The following ECM2 variants were observed in gnomAD, a reference collection of about 807,000 sequenced individuals.
The protein encoded by ECM2 is extracellular matrix protein 2.
In ECM2, 57 loss-of-function variants were observed where a neutral mutation model predicts 67.5. That is an observed-to-expected ratio of 0.84 (90% CI 0.68 to 1.05). The LOEUF is 1.05. ECM2 is among the 50% of genes least tolerant of loss of function. The pLI is 0.00. For missense variants in ECM2, 741 were observed against 822.8 expected, an observed-to-expected ratio of 0.90 and a Z score of 1.22; for synonymous variants, 258 against 294.5, an observed-to-expected ratio of 0.88 and a Z score of 1.27.
chr9:92,512,210 CAA>C (rs1847393583), intron 4 of ECM2, 84 bp from the exon 5 acceptor site: 3 of 779,984 alleles, frequency 3.8e-6, no homozygotes, highest in Non-Finnish European at 6.2e-6. Context: ...GCATAGATAT[CAA>C]GAGAGAGCTT....
intron 6 of ECM2, among the ~76,000 whole-genome samples, chr9:92,509,471 G>A (rs1336710395): frequency 6.6e-6 from 1 of 152,188 alleles, no homozygotes. Flanking sequence ...AGTTGTGGGT[G>A]GGGTCTGTTG....
intron 7 of ECM2, among the ~76,000 whole-genome samples, chr9:92,504,309 T>C (rs1255806008): frequency 6.6e-6 from 1 of 152,014 alleles, no homozygotes; most frequent in Non-Finnish European, 1.5e-5. Context: ...AATCTGGAAA[T>C]AGGAAGAAGA....
chr9:92,544,070 G>A, the ECM2 span, among the ~76,000 whole-genome samples: 1 of 152,162 alleles, frequency 6.6e-6, no homozygotes, highest in African/African-American at 2.4e-5. Context: ...CCAGTTTTAT[G>A]TTGAATAGAA....
At chr9:92,539,066 G>A (rs1849254006), upstream of ECM2, 1 of 152,122 alleles carries the variant, frequency 6.6e-6, no homozygotes, top group South Asian at 2.1e-4. Context: ...ACCTTGTTCA[G>A]CCCGAATAAG....
At chr9:92,493,973 G>A, downstream of ECM2, 1 of 1,013,560 alleles carries the variant, frequency 9.9e-7, no homozygotes, top group Non-Finnish European at 1.4e-6. Context: ...GGTGGCCGTA[G>A]TCTCCTGGCG....
intron 1 of ECM2, among the ~76,000 whole-genome samples, chr9:92,526,877 T>A (rs1442987030): frequency 6.6e-6 from 1 of 152,220 alleles, no homozygotes; most frequent in Non-Finnish European, 1.5e-5. Context: ...ACTCACTCAC[T>A]GACTCACCGG....
intron 9 of ECM2, 120 bp downstream of exon 9, chr9:92,500,607 A>G: frequency 1.0e-6 from 1 of 1,000,140 alleles, no homozygotes; most frequent in Non-Finnish European, 1.5e-6. Flanking sequence ...TGTTTAATCC[A>G]ACCCCTTAGC....
At position 92,497,350 on chromosome 9, in the gene ECM2, C is replaced by T. The variant is rs113095006; in HGVS notation, c.1932-867G>A. On this transcript the variant is annotated intron_variant, in intron 9 of 9. Transcript: ENST00000344604. The stretch of plus-strand genomic sequence containing the variant: ...TTTAAAAAGTAAAGGGTAGGCTGGG[C>T]GTGGTGGCTCACACCTGTCATCCCA... Among the ~76,000 whole-genome samples, 870 of 152,176 alleles carry T rather than the reference C, an allele frequency of 5.7e-3. 8 individuals are homozygous for T. The highest frequency in any genetic ancestry group is 0.02 in the African/African-American group (824 of 41,506).
the ECM2 span, among the ~76,000 whole-genome samples, chr9:92,555,902 T>C: frequency 6.6e-6 from 1 of 152,184 alleles, no homozygotes; most frequent in Non-Finnish European, 1.5e-5. Context: ...TTAATTCTGC[T>C]CTAATCTTGG....
At chr9:92,529,883 G>C (rs72754438) in intron 1 of ECM2, among the ~76,000 whole-genome samples, 21 of 152,068 alleles carry the variant, frequency 1.4e-4, no homozygotes, top group African/African-American at 4.1e-4. Flanking sequence ...TTATATCACA[G>C]GTTCTGCATC....
chr9:92,494,013 T>C, downstream of ECM2: 1 of 1,515,190 alleles, frequency 6.6e-7, no homozygotes, highest in African/African-American at 1.4e-5. Context: ...CTCGTCGCAT[T>C]GTCACCCATT....
At chr9:92,497,431 C>T (rs1451079739) in intron 9 of ECM2, among the ~76,000 whole-genome samples, 2 of 152,000 alleles carry the variant, frequency 1.3e-5, no homozygotes, top group Non-Finnish European at 2.9e-5. Context: ...TCAAGACCAG[C>T]CTGACCAACA....
At chr9:92,520,470 G>T (rs917101457) in intron 2 of ECM2, among the ~76,000 whole-genome samples, 1 of 152,132 alleles carries the variant, frequency 6.6e-6, no homozygotes, top group Non-Finnish European at 1.5e-5. Flanking sequence ...ACAATTGTTG[G>T]CAGGAATGTA....
chr9:92,501,102 C>T lies in ECM2; in HGVS notation c.1605-49G>A, dbSNP rs191100785. 3.8e-6 allele frequency: 6 copies of T among 1,564,210 alleles called. No individual in the cohort carries two copies. The South Asian group carries it at 5.8e-5, about 15-fold the overall frequency. Reference sequence around the variant, plus strand: ...AGGGTAGGGACATCAGGATGGTGATCATCAGCTCTAAATTTTGATAAGGCC... The same window carrying T: ...AGGGTAGGGACATCAGGATGGTGATTATCAGCTCTAAATTTTGATAAGGCC... On this transcript the variant is annotated intron_variant, in intron 8 of 9. Coordinates refer to ENST00000344604, the MANE Select transcript of ECM2 (RefSeq NM_001393.4).
chr9:92,524,825 T>C lies in ECM2; in HGVS notation c.-27-1932A>G, dbSNP rs180748416. ...CTAACTTGCTCAGTGATGAAATTTA[T>C]TTCAATTCTCACAGGCATACCTTGG... On this transcript the variant is annotated intron_variant, in intron 1 of 9. Coordinates refer to ENST00000344604, the MANE Select transcript of ECM2 (RefSeq NM_001393.4). 5.0e-3 allele frequency among the ~76,000 whole-genome samples: 761 copies of C among 152,338 alleles called. 6 individuals carry two copies. Among genetic ancestry groups the C allele is most frequent in the Admixed American group, 0.011 (169 of 15,302 alleles).
chr9:92,494,917 A>G (rs1029630493), downstream of ECM2, among the ~76,000 whole-genome samples: 7 of 152,124 alleles, frequency 4.6e-5, no homozygotes, highest in Middle Eastern at 3.2e-3. Context: ...AAAAATAATA[A>G]TAATAACATT....
intron 7 of ECM2, among the ~76,000 whole-genome samples, chr9:92,504,395 C>T (rs1401022561): frequency 5.9e-5 from 9 of 152,182 alleles, no homozygotes; most frequent in African/African-American, 9.7e-5. Context: ...GGGCTGCAGC[C>T]GGAGAATGCT....
chr9:92,546,215 C>T, the ECM2 span, among the ~76,000 whole-genome samples: 1 of 152,136 alleles, frequency 6.6e-6, no homozygotes, highest in Non-Finnish European at 1.5e-5. Context: ...CCAATCAGCT[C>T]TCTGTAAAAC....
intron 3 of ECM2, 200 bp downstream of exon 3, chr9:92,517,487 T>C (rs1847799963): frequency 1.5e-6 from 1 of 688,010 alleles, no homozygotes; most frequent in South Asian, 1.9e-5. Flanking sequence ...GAGCTAGAAC[T>C]ATAAAGCCAC....
Sources: allele counts gnomAD v4.1 joint callset (sites outside exome capture counted in the v4.1 genomes callset), GRCh38; gene constraint gnomAD v4.1.1; transcripts MANE v1.5; gene names NCBI Gene and HGNC (gene_info 2026-07-23, HGNC 2026-07-21).